Variants in PRDM7 observed in about 807,000 individuals in gnomAD.
PRDM7 encodes histone-lysine N-methyltransferase PRDM7.
PRDM7 carries 52 observed loss-of-function variants against 64.3 expected under a neutral mutation model. The ratio of observed to expected loss-of-function variants is 0.81; its 90% CI spans 0.65 to 1.02. The LOEUF is 1.02. Ranked by LOEUF, PRDM7 falls within the 50% of genes least tolerant of loss-of-function variation. PRDM7 has a pLI of 0.00. For missense variants in PRDM7, 574 were observed against 597.1 expected, an observed-to-expected ratio of 0.96 and a Z score of 0.40; for synonymous variants, 192 against 210.1, an observed-to-expected ratio of 0.91 and a Z score of 0.74.
In PRDM7 at chr16:90,071,995, A is replaced by G. The variant is rs965272717; in HGVS notation, c.301+2921T>C. Among the ~76,000 whole-genome samples, 43 of 152,072 alleles carry G rather than the reference A, an allele frequency of 2.8e-4. 1 individual carries two copies. The highest frequency in any genetic ancestry group is 8.5e-4 in the Admixed American group (13 of 15,274). ...ATCATGAGGTCAGGAGATCGAGCCC[A>G]TGAGGCAGGCGGATCATGAGGTCAG... On this transcript the variant is annotated intron_variant, in intron 4 of 10. Coordinates refer to ENST00000449207, the MANE Select transcript of PRDM7 (RefSeq NM_001098173.2).
chr16:90,061,563 A>G, intron 8 of PRDM7, 44 bp from the exon 9 acceptor site: 1 of 1,542,846 alleles, frequency 6.5e-7, no homozygotes, highest in Non-Finnish European at 9.0e-7. Context: ...GAGGGTAAAA[A>G]TCCGAAGAAT....
intron 10 of PRDM7, among the ~76,000 whole-genome samples, chr16:90,059,482 G>A (rs1049104190): frequency 2.0e-5 from 3 of 152,210 alleles, no homozygotes; most frequent in African/African-American, 7.2e-5. Context: ...GATGACCCAT[G>A]GCAGCCTATT....
chr16:90,061,089 G>T (rs2037768877), intron 9 of PRDM7, among the ~76,000 whole-genome samples: 1 of 152,106 alleles, frequency 6.6e-6, no homozygotes. Flanking sequence ...TGTGGAAAGG[G>T]GCTGGGTCAT....
chr16:90,076,836 C>T (rs2038043679), intron 1 of PRDM7, among the ~76,000 whole-genome samples: 1 of 151,928 alleles, frequency 6.6e-6, no homozygotes, highest in Admixed American at 6.6e-5. Flanking sequence ...GGGTGTTTGA[C>T]ACTGAGGTTA....
intron 4 of PRDM7, among the ~76,000 whole-genome samples, chr16:90,067,302 G>A (rs1417752241): frequency 2.0e-5 from 3 of 151,006 alleles, no homozygotes; most frequent in Non-Finnish European, 4.4e-5. Flanking sequence ...AGAGAATTCT[G>A]AATCAGAGAG....
chr16:90,076,123 C>A, intron 1 of PRDM7, 128 bp from the exon 2 acceptor site: 1 of 597,256 alleles, frequency 1.7e-6, no homozygotes. Flanking sequence ...GTCTCGAGCA[C>A]CCCAGGGAGG....
Position 90,075,623 on chromosome 16 carries a change from G to T in PRDM7, c.70-149C>A. 3.5e-6 allele frequency: 5 copies of T among 1,432,648 alleles called. No individual in the cohort carries two copies. Among genetic ancestry groups the T allele is most frequent in the Non-Finnish European group, 4.9e-6 (5 of 1,022,818 alleles). The allele number at this position is 1,432,648 out of a possible 1,614,324, so 88.7% of individuals were successfully genotyped here. ...TCCCTCCTTCTCCAGATTGTGTCCT[G>T]TTTAACTGAGCAGACACTGAGCATT... is the stretch of plus-strand genomic sequence containing the variant. On this transcript the variant is annotated intron_variant, in intron 2 of 10. Coordinates refer to ENST00000449207, the MANE Select transcript of PRDM7 (RefSeq NM_001098173.2). The surrounding 1 kb of genome is among the most constrained non-coding windows in gnomAD (Gnocchi z 4.3).
At position 90,057,190 on chromosome 16, in the gene PRDM7, T is replaced by C. The variant is rs1408407027; in HGVS notation, c.*1099A>G. On this transcript the variant is annotated 3_prime_UTR_variant, in exon 11 of 11. Transcript: ENST00000449207. ...TGCGTGTTCCTGTCTGGCGTTCACT[T>C]CTGGGGCTACAGAGATTGGAGGAAA... The C allele has an allele frequency of 6.5e-6, 1 of 154,348 alleles. No individual in the cohort carries two copies. The highest frequency in any genetic ancestry group is 1.4e-5 in the Non-Finnish European group (1 of 69,662). The allele number at this position is 154,348 out of a possible 1,614,324, so 9.6% of individuals were successfully genotyped here. A position where few individuals can be genotyped will look rare whatever the true frequency, so the allele number is the denominator to read the frequency against.
intron 7 of PRDM7, 90 bp downstream of exon 7, chr16:90,062,311 G>T: frequency 6.2e-7 from 1 of 1,613,442 alleles, no homozygotes; most frequent in South Asian, 1.1e-5. Context: ...TAATTCATTC[G>T]AGTAAGGGAA....
chr16:90,069,000 G>A (rs1017928652), intron 4 of PRDM7, among the ~76,000 whole-genome samples: 1 of 151,116 alleles, frequency 6.6e-6, no homozygotes, highest in African/African-American at 2.5e-5. Flanking sequence ...TTTCAGAAAT[G>A]GAAAAATATC....
intron 9 of PRDM7, 22 bp from the exon 10 acceptor site, chr16:90,060,645 G>A: frequency 6.2e-7 from 1 of 1,613,500 alleles, no homozygotes; most frequent in Non-Finnish European, 8.5e-7. Flanking sequence ...GCAGGCAAAG[G>A]GAAAGAAAGA....
At chr16:90,071,351 G>A (rs370397473) in intron 4 of PRDM7, among the ~76,000 whole-genome samples, 3 of 152,180 alleles carry the variant, frequency 2.0e-5, no homozygotes, top group Non-Finnish European at 4.4e-5. Context: ...GGCTGGTCTC[G>A]AACTCCTGAC....
chr16:90,060,477 C>A lies in PRDM7; in HGVS notation c.1097G>T (p.Gly366Val), dbSNP rs2037754645. The A allele has an allele frequency of 1.2e-6, 2 of 1,613,324 alleles. No homozygotes were observed. Among genetic ancestry groups the A allele is most frequent in the African/African-American group, 2.7e-5 (2 of 74,718 alleles). ...GGCAGGTTCTATAGAAGATCTGATGCCCAGTTCCTGGCCATACTCATCCCC... is the reference window on the plus strand; with the variant it reads ...GGCAGGTTCTATAGAAGATCTGATGACCAGTTCCTGGCCATACTCATCCCC... ...WSGDEYGQEL[G>V]IRSSIEPAES... Residue 366 changes from glycine to valine, a missense_variant, in exon 10 of 11, where the codon GGC (glycine) becomes GTC (valine). By Grantham distance (109) the Gly-to-Val change is moderately radical (BLOSUM62 -3). Coordinates refer to ENST00000449207, the MANE Select transcript of PRDM7 (RefSeq NM_001098173.2).
At chr16:90,067,021 G>A in intron 4 of PRDM7, 111 bp from the exon 5 acceptor site, 1 of 882,448 alleles carries the variant, frequency 1.1e-6, no homozygotes, top group Non-Finnish European at 1.8e-6. Context: ...CTGGAGTGCA[G>A]TGGCACAATC....
Position 90,061,934 on chromosome 16 carries a change from C to A in PRDM7, c.869G>T (p.Gly290Val), listed in dbSNP as rs565913809. The part of the protein sequence containing the change: ...ITEDEEAANS[G>V]YSWLITKGRN... ...GGCTCTTCTTACTAGCCAGGAATATCCACTGTTGGCTGCCTCTTCGTCTTC... is the reference window on the plus strand; with the variant it reads ...GGCTCTTCTTACTAGCCAGGAATATACACTGTTGGCTGCCTCTTCGTCTTC... Residue 290 changes from glycine to valine, a missense_variant, in exon 8 of 11, where the codon GGA (glycine) becomes GTA (valine). Physicochemically the swap from Gly to Val is moderately radical, Grantham distance 109. Coordinates refer to ENST00000449207, the MANE Select transcript of PRDM7 (RefSeq NM_001098173.2). 156 of 1,614,268 alleles carry A rather than the reference C, an allele frequency of 9.7e-5. No individual in the cohort carries two copies. The East Asian group carries it at 3.1e-3, about 32-fold the overall frequency.
At chr16:90,072,239 A>AC (rs2037970098) in intron 4 of PRDM7, among the ~76,000 whole-genome samples, 1 of 152,038 alleles carries the variant, frequency 6.6e-6, no homozygotes, top group Non-Finnish European at 1.5e-5. Context: ...TCAAAAAAAA[A>AC]AAAAAAGAAT....
In PRDM7 at chr16:90,062,546, T is replaced by C. The variant is rs2037800931; in HGVS notation, c.509-44A>G. The C allele has an allele frequency of 2.7e-6, 4 of 1,463,970 alleles. No individual in the cohort carries two copies. The East Asian group carries it at 9.1e-5, about 33-fold the overall frequency. The allele number at this position is 1,463,970 out of a possible 1,614,324, so 90.7% of individuals were successfully genotyped here. A position where few individuals can be genotyped will look rare whatever the true frequency, so the allele number is the denominator to read the frequency against. On this transcript the variant is annotated intron_variant, in intron 6 of 10. Transcript: ENST00000449207. ...GATGGGTAAAATTGGGAGTCTGGGG[T>C]GTTTGTCCTTGTTTCATAAGAAAAT...
rs542919543 is a variant in PRDM7, at chr16:90,062,264, C to G, written c.611-72G>C. On this transcript the variant is annotated intron_variant, in intron 7 of 10. Coordinates refer to ENST00000449207, the MANE Select transcript of PRDM7 (RefSeq NM_001098173.2). ...CTTGATATAAGAGCTTCAGAAAGAG[C>G]GTGGCACTCACATTATTTAGCCCCA... 7 of 1,613,814 alleles carry G rather than the reference C, an allele frequency of 4.3e-6. No individual in the cohort carries two copies. In the African/African-American group the frequency reaches 9.3e-5, roughly 22 times the overall value.
Position 90,058,299 on chromosome 16 carries a change from G to A in PRDM7, c.1469C>T (p.Pro490Leu). The change falls in exon 11 of 11, where the codon CCA becomes CTA. Residue 490 changes from proline to leucine, a missense_variant. Physicochemically the swap from Pro to Leu is moderately conservative, Grantham distance 98. Coordinates refer to ENST00000449207, the MANE Select transcript of PRDM7 (RefSeq NM_001098173.2). ...KPKVKRSKKG[P>L]NS ...GCCATGTCCTTTTATTCAAGAGTTT[G>A]GACCTTTCTTTGATCTCTTGACCTT... 6.2e-7 allele frequency: 1 copy of A among 1,614,162 alleles called. No homozygotes were observed. Among genetic ancestry groups the A allele is most frequent in the Non-Finnish European group, 8.5e-7 (1 of 1,180,034 alleles).
Sources: gnomAD v4.1 joint callset for allele counts (sites outside exome capture counted in the v4.1 genomes callset) on GRCh38, gnomAD v4.1.1 for gene constraint, Gnocchi (gnomAD v3.1) non-coding constraint, MANE v1.5 for transcripts, NCBI Gene and HGNC (gene_info 2026-07-23, HGNC 2026-07-21) for gene names.